Variants in LGSN observed in about 807,000 individuals in gnomAD.
LGSN encodes lengsin.
Under a neutral mutation model 19.5 loss-of-function variants are expected in LGSN, and 21 were observed. The ratio of observed to expected loss-of-function variants is 1.07; its 90% CI spans 0.76 to 1.55. The LOEUF is 1.55. Ranked by LOEUF, LGSN falls within the 40% of genes most tolerant of loss-of-function variation. LGSN has a pLI of 0.00. For synonymous variants in LGSN, 257 were observed against 215.6 expected (o/e 1.19, Z -1.68); for missense variants, 673 against 608.5 (o/e 1.11, Z -1.12).
the LGSN span, among the ~76,000 whole-genome samples, chr6:63,431,130 A>C: frequency 6.6e-6 from 1 of 152,220 alleles, no homozygotes; most frequent in Non-Finnish European, 1.5e-5. Context: ...CCCTATGAGT[A>C]AGGCAACACC....
chr6:63,344,385 A>G, the LGSN span, among the ~76,000 whole-genome samples: 2 of 152,248 alleles, frequency 1.3e-5, no homozygotes, highest in Non-Finnish European at 2.9e-5. Context: ...GTGAGGATAT[A>G]CCAAGATATT....
chr6:63,501,436 G>A, the LGSN span, among the ~76,000 whole-genome samples: 1 of 151,430 alleles, frequency 6.6e-6, no homozygotes, highest in Non-Finnish European at 1.5e-5. Flanking sequence ...TTATAGAAGT[G>A]ATGCATAGAG....
chr6:63,448,489 C>A, the LGSN span, among the ~76,000 whole-genome samples: 2 of 151,938 alleles, frequency 1.3e-5, no homozygotes, highest in African/African-American at 4.8e-5. Context: ...AACAAGCTAT[C>A]ACGGAGGGTG....
the LGSN span, among the ~76,000 whole-genome samples, chr6:63,446,480 T>C: frequency 2.6e-5 from 4 of 152,314 alleles, no homozygotes; most frequent in Admixed American, 6.5e-5. Context: ...TTCTGCCTCC[T>C]TCTGCTAGAA....
At chr6:63,298,531 G>T (rs1768066018) in intron 1 of LGSN, among the ~76,000 whole-genome samples, 2 of 151,910 alleles carry the variant, frequency 1.3e-5, no homozygotes, top group Non-Finnish European at 2.9e-5. Flanking sequence ...TAATGCATGA[G>T]GTAGGGAAAA....
the LGSN span, among the ~76,000 whole-genome samples, chr6:63,529,478 C>T: frequency 6.6e-6 from 1 of 152,108 alleles, no homozygotes; most frequent in South Asian, 2.1e-4. Flanking sequence ...CCTCCTCCTT[C>T]ACCCCTCCCT....
At chr6:63,439,026 C>A in the LGSN span, among the ~76,000 whole-genome samples, 1 of 152,140 alleles carries the variant, frequency 6.6e-6, no homozygotes, top group African/African-American at 2.4e-5. Flanking sequence ...ATGCAGCCAT[C>A]AAAAATGATG....
the LGSN span, among the ~76,000 whole-genome samples, chr6:63,360,143 G>A: frequency 0.13 from 19,827 of 152,020 alleles, 2,864 homozygotes; most frequent in African/African-American, 0.36. Context: ...TATGTGTCTT[G>A]GAGTTGCTCT....
At chr6:63,557,857 A>T in the LGSN span, among the ~76,000 whole-genome samples, 2 of 151,916 alleles carry the variant, frequency 1.3e-5, 1 homozygote, top group South Asian at 4.1e-4. Flanking sequence ...GGATAGCAAG[A>T]TCAGATATGC....
chr6:63,505,593 G>T, the LGSN span, among the ~76,000 whole-genome samples: 114 of 127,516 alleles, frequency 8.9e-4, 17 homozygotes, highest in African/African-American at 2.8e-3. Context: ...AAGAAAGAAA[G>T]AAAGAAAGAA....
At chr6:63,320,167 C>T (rs1769036446), upstream of LGSN, among the ~76,000 whole-genome samples, 1 of 152,158 alleles carries the variant, frequency 6.6e-6, no homozygotes, top group Non-Finnish European at 1.5e-5. Flanking sequence ...ATGACAAATG[C>T]TTGTTTACGC....
chr6:63,500,672 C>T, the LGSN span, among the ~76,000 whole-genome samples: 6 of 151,916 alleles, frequency 3.9e-5, no homozygotes, highest in South Asian at 2.1e-4. Flanking sequence ...CCACCCGCCT[C>T]GGCCTCCCAA....
the LGSN span, among the ~76,000 whole-genome samples, chr6:63,434,483 G>A: frequency 6.7e-6 from 1 of 149,706 alleles, no homozygotes; most frequent in Admixed American, 6.7e-5. Context: ...TTTGGGCCAG[G>A]TGCCGTGGCT....
the LGSN span, among the ~76,000 whole-genome samples, chr6:63,445,895 G>T: frequency 1.3e-5 from 2 of 151,794 alleles, no homozygotes; most frequent in Non-Finnish European, 2.9e-5. Flanking sequence ...AACCCCCACC[G>T]CCCCATGACC....
the LGSN span, chr6:63,440,678 G>A: frequency 6.6e-6 from 1 of 152,180 alleles, no homozygotes; most frequent in Admixed American, 6.5e-5. Context: ...GTTGGGTGGG[G>A]GCCCGCTGAA....
chr6:63,557,958 C>T, the LGSN span, among the ~76,000 whole-genome samples: 29 of 151,590 alleles, frequency 1.9e-4, no homozygotes, highest in Admixed American at 7.9e-4. Context: ...GGTGCGATCT[C>T]GGCTCACTGC....
At chr6:63,386,569 C>T in the LGSN span, among the ~76,000 whole-genome samples, 1 of 152,052 alleles carries the variant, frequency 6.6e-6, no homozygotes, top group African/African-American at 2.4e-5. Context: ...CTAGTCATAA[C>T]CAGTTAACCT....
chr6:63,293,100 A>G (rs1767840112), intron 2 of LGSN, among the ~76,000 whole-genome samples: 1 of 152,098 alleles, frequency 6.6e-6, no homozygotes, highest in African/African-American at 2.4e-5. Context: ...CCTGGGCTCA[A>G]GTGATCCTCC....
the LGSN span, among the ~76,000 whole-genome samples, chr6:63,356,618 T>A: frequency 6.6e-6 from 1 of 151,952 alleles, no homozygotes; most frequent in South Asian, 2.1e-4. Flanking sequence ...AGATGAGGCA[T>A]GTTTAGGTAA....
Sources: gnomAD v4.1 joint callset for allele counts (sites outside exome capture counted in the v4.1 genomes callset) on GRCh38, gnomAD v4.1.1 for gene constraint, MANE v1.5 for transcripts, NCBI Gene and HGNC (gene_info 2026-07-23, HGNC 2026-07-21) for gene names.